WDR7: variants seen among roughly 807,000 people sequenced by gnomAD.
The protein encoded by WDR7 is WD repeat domain 7.
WDR7 carries 46 observed loss-of-function variants against 169.4 expected under a neutral mutation model. That is an observed-to-expected ratio of 0.27 (90% CI 0.21 to 0.35). The LOEUF (loss-of-function observed/expected upper bound fraction) is 0.35, where lower values mean the gene tolerates loss of function less well. Among genes scored for constraint, WDR7 ranks in the 10% least tolerant of loss-of-function variants. The pLI is 1.00. For synonymous variants in WDR7, 612 were observed against 666.8 expected (o/e 0.92, Z 1.27); for missense variants, 1,534 against 1,859.3 (o/e 0.83, Z 3.22).
intron 1 of WDR7, among the ~76,000 whole-genome samples, chr18:56,662,096 G>T (rs568782045): frequency 2.0e-5 from 3 of 152,146 alleles, no homozygotes; most frequent in African/African-American, 7.2e-5. Flanking sequence ...ATTCCCCATC[G>T]GTAGGTGGGT....
At chr18:56,836,343 A>T (rs1039943742) in intron 20 of WDR7, among the ~76,000 whole-genome samples, 1 of 152,162 alleles carries the variant, frequency 6.6e-6, no homozygotes, top group Non-Finnish European at 1.5e-5. Flanking sequence ...TGTTGCTGAC[A>T]ATGTAGGGCC....
At chr18:57,017,442 G>GCA (rs1195578838) in intron 26 of WDR7, among the ~76,000 whole-genome samples, 1 of 134,926 alleles carries the variant, frequency 7.4e-6, no homozygotes, top group African/African-American at 2.7e-5. Context: ...GTGTGTGTGT[G>GCA]TGCATGTGTG....
chr18:56,716,807 G>T (rs996851834), intron 12 of WDR7, among the ~76,000 whole-genome samples: 1 of 152,130 alleles, frequency 6.6e-6, no homozygotes. Flanking sequence ...AAAGGTTCTT[G>T]GAAGTTCTGT....
intron 21 of WDR7, among the ~76,000 whole-genome samples, chr18:56,916,748 TTGTGTGTA>T (rs996996874): frequency 1.6e-4 from 25 of 152,256 alleles, no homozygotes; most frequent in African/African-American, 5.8e-4. Context: ...ATTTTACTGT[TTGTGTGTA>T]TGTGTGTATG....
intron 26 of WDR7, among the ~76,000 whole-genome samples, chr18:56,991,499 GGAGGCAA>G (rs2047819029): frequency 6.6e-6 from 1 of 152,096 alleles, no homozygotes; most frequent in Non-Finnish European, 1.5e-5. Flanking sequence ...TAATCCTGAA[GGAGGCAA>G]GGGACCATGA....
intron 21 of WDR7, among the ~76,000 whole-genome samples, chr18:56,907,160 T>C (rs1208804971): frequency 6.6e-6 from 1 of 152,204 alleles, no homozygotes; most frequent in Non-Finnish European, 1.5e-5. Context: ...TGACCATCTG[T>C]TTCCTTTATT....
chr18:56,942,167 G>A (rs890281074), intron 25 of WDR7, among the ~76,000 whole-genome samples: 6 of 152,302 alleles, frequency 3.9e-5, no homozygotes, highest in African/African-American at 9.6e-5. Context: ...TTTAAGGACC[G>A]GGTATGGGGA....
At position 57,024,623 on chromosome 18, in the gene WDR7, AGCT is replaced by A. The variant is rs1568319086; in HGVS notation, c.4270-2380_4270-2378del. ...TCTCAGGCAGGAATAGGGATATGTGAGCTATGATAGTTATGTCCCTTATAGAAT... is the reference window on the plus strand; with the variant it reads ...TCTCAGGCAGGAATAGGGATATGTGAATGATAGTTATGTCCCTTATAGAAT... On this transcript the variant is annotated intron_variant, in intron 27 of 27. Coordinates refer to ENST00000254442, the MANE Select transcript of WDR7 (RefSeq NM_015285.3). Among the ~76,000 whole-genome samples the A allele has an allele frequency of 2.1e-4, 20 of 94,048 alleles. 3 individuals carry two copies. Among genetic ancestry groups the A allele is most frequent in the African/African-American group, 1.2e-3 (18 of 14,930 alleles). The allele number at this position is 94,048 out of a possible 152,430, so 61.7% of individuals were successfully genotyped here.
In WDR7 at chr18:56,681,382, T is replaced by C; in HGVS notation, c.336T>C (p.Thr112=). Residue 112 remains threonine (T), a synonymous_variant, in exon 4 of 28, where the codon ACT becomes ACC. Transcript: ENST00000254442. ...IEFTKLACTH[T]GIQFYQFSVG... is the part of the protein sequence containing the mutation. ...TTACAAAATTAGCTTGCACACATAC[T>C]GGCATACAGGTTAGTTTCTATTTCT... 6.3e-7 allele frequency: 1 copy of C among 1,585,264 alleles called. No individual in the cohort carries two copies. Among genetic ancestry groups the C allele is most frequent in the Non-Finnish European group, 8.5e-7 (1 of 1,170,618 alleles).
At chr18:56,713,841 A>G (rs2144722869) in intron 12 of WDR7, among the ~76,000 whole-genome samples, 1 of 152,324 alleles carries the variant, frequency 6.6e-6, no homozygotes, top group East Asian at 1.9e-4. Flanking sequence ...TATGAGTTAT[A>G]AAGTATTCTT....
At chr18:56,694,111 C>T (rs534075936) in intron 9 of WDR7, among the ~76,000 whole-genome samples, 2 of 151,798 alleles carry the variant, frequency 1.3e-5, no homozygotes, top group African/African-American at 4.8e-5. Flanking sequence ...TGGCCTCAAG[C>T]GATCTTCCGT....
At chr18:56,953,734 T>C (rs1029589168) in intron 25 of WDR7, among the ~76,000 whole-genome samples, 3 of 152,186 alleles carry the variant, frequency 2.0e-5, no homozygotes, top group Non-Finnish European at 2.9e-5. Flanking sequence ...CAGTTTTGCA[T>C]AGAGGAAAGG....
rs2044783200 is a variant in WDR7 at position 56,806,934 on chromosome 18, C to T, written c.3191-9097C>T. On this transcript the variant is annotated intron_variant, in intron 19 of 27. Transcript: ENST00000254442. ...ACTTATATTGGCAATGCCAGCCTCT[C>T]TGTTACTCAGATCTATCCCACCCTT... Among the ~76,000 whole-genome samples, 4 of 152,128 alleles carry T rather than the reference C, an allele frequency of 2.6e-5. No homozygotes were observed. In the South Asian group the frequency reaches 6.2e-4, roughly 24 times the overall value.
At chr18:57,034,222 A>G, downstream of WDR7, 1 of 151,722 alleles carries the variant, frequency 6.6e-6, no homozygotes, top group South Asian at 2.1e-4. Flanking sequence ...ATAAATAAAT[A>G]AAAATAAAAG....
intron 14 of WDR7, among the ~76,000 whole-genome samples, chr18:56,748,242 A>G (rs2043735327): frequency 6.6e-6 from 1 of 152,126 alleles, no homozygotes; most frequent in Admixed American, 6.5e-5. Context: ...TATTTGGAAG[A>G]TAGAAGGATT....
At chr18:56,786,433 G>C (rs1169519233) in intron 19 of WDR7, among the ~76,000 whole-genome samples, 2 of 151,970 alleles carry the variant, frequency 1.3e-5, no homozygotes, top group African/African-American at 4.8e-5. Context: ...GGAGGCTTAG[G>C]CAGGAGAATT....
chr18:56,782,703 A>G (rs1300938838), intron 19 of WDR7, among the ~76,000 whole-genome samples: 3 of 152,176 alleles, frequency 2.0e-5, no homozygotes, highest in South Asian at 2.1e-4. Flanking sequence ...TGGACAGTAC[A>G]TTATTATACA....
intron 20 of WDR7, among the ~76,000 whole-genome samples, chr18:56,857,245 A>G (rs1382838852): frequency 1.3e-5 from 2 of 152,050 alleles, no homozygotes; most frequent in Non-Finnish European, 2.9e-5. Flanking sequence ...CCAGGAACAT[A>G]TTGGTAGCAT....
At chr18:57,008,592 T>G (rs2145908793) in intron 26 of WDR7, among the ~76,000 whole-genome samples, 1 of 152,336 alleles carries the variant, frequency 6.6e-6, no homozygotes, top group Admixed American at 6.5e-5. Context: ...GACTCATCTC[T>G]TGTTCTTCTC....
Sources: allele counts gnomAD v4.1 joint callset (sites outside exome capture counted in the v4.1 genomes callset), GRCh38; gene constraint gnomAD v4.1.1; transcripts MANE v1.5; gene names NCBI Gene and HGNC (gene_info 2026-07-23, HGNC 2026-07-21).